Variants in OPCML observed in about 807,000 individuals in gnomAD.
The protein encoded by OPCML is opioid binding protein/cell adhesion molecule like, also known as opioid-binding protein/cell adhesion molecule.
In OPCML, 13 loss-of-function variants were observed where a neutral mutation model predicts 37.8. The ratio of observed to expected loss-of-function variants is 0.34; its 90% CI spans 0.22 to 0.55. OPCML has a LOEUF of 0.55. Among genes scored for constraint, OPCML ranks in the 20% least tolerant of loss-of-function variants. OPCML has a pLI of 0.91. For missense variants in OPCML, 341 were observed against 435.6 expected, an observed-to-expected ratio of 0.78 and a Z score of 1.93; for synonymous variants, 176 against 168.8, an observed-to-expected ratio of 1.04 and a Z score of -0.33.
intron 1 of OPCML, among the ~76,000 whole-genome samples, chr11:133,238,772 A>T (rs1940618482): frequency 6.6e-6 from 1 of 152,218 alleles, no homozygotes; most frequent in African/African-American, 2.4e-5. Context: ...TTCGGGGAAA[A>T]AAACGACAGT....
Position 133,382,333 on chromosome 11 carries a change from AAG to A in OPCML, c.61+149929_61+149930del, listed in dbSNP as rs1438749270. On this transcript the variant is annotated intron_variant, in intron 1 of 7. Transcript: ENST00000524381. Reference sequence around the variant, plus strand: ...TGGCAGGAGGGGTGGGGAATTCTGAAAGAGACTGGAGGCATGTATCCATGCAG... The same window carrying A: ...TGGCAGGAGGGGTGGGGAATTCTGAAAGACTGGAGGCATGTATCCATGCAG... 2.6e-5 allele frequency among the ~76,000 whole-genome samples: 4 copies of A among 152,298 alleles called. No homozygotes were observed. The East Asian group carries it at 7.8e-4, about 30-fold the overall frequency.
At chr11:132,622,856 C>G (rs1158681520) in intron 3 of OPCML, among the ~76,000 whole-genome samples, 1 of 152,092 alleles carries the variant, frequency 6.6e-6, no homozygotes, top group African/African-American at 2.4e-5. Flanking sequence ...ATGCAGTGGA[C>G]AGGAAAAGAA....
intron 1 of OPCML, among the ~76,000 whole-genome samples, chr11:132,968,477 T>C (rs1236491497): frequency 1.3e-5 from 2 of 152,116 alleles, no homozygotes; most frequent in Non-Finnish European, 2.9e-5. Flanking sequence ...CAGCTTCAAA[T>C]CTTTTTTTTG....
Position 133,119,615 on chromosome 11 carries a change from A to G in OPCML, c.62-176605T>C, listed in dbSNP as rs528389088. 9.2e-5 allele frequency among the ~76,000 whole-genome samples: 14 copies of G among 152,322 alleles called. No homozygotes were observed. In the East Asian group the frequency reaches 2.7e-3, roughly 29 times the overall value. ...ATTCACCTGACATAGTGCAAACAGC[A>G]TAGGGCATATCAACAAGGTATAAAC... On this transcript the variant is annotated intron_variant, in intron 1 of 7. Transcript: ENST00000524381.
At position 133,080,474 on chromosome 11, in the gene OPCML, G is replaced by GTT. The variant is rs34982227; in HGVS notation, c.62-137466_62-137465dup. On this transcript the variant is annotated intron_variant, in intron 1 of 7. Transcript: ENST00000524381. ...AACATTCCCACTTTGGTAATCAAAT[G>GTT]TTTTTTTTTTTTTTTTTTTTCCTAA... is the stretch of plus-strand genomic sequence containing the variant. Among the ~76,000 whole-genome samples, 578 of 129,258 alleles carry GTT rather than the reference G, an allele frequency of 4.5e-3. 5 individuals carry two copies. Among genetic ancestry groups the GTT allele is most frequent in the African/African-American group, 0.014 (490 of 35,024 alleles). 84.8% of individuals were successfully genotyped at this position (129,258 alleles called of 152,430 possible). A position where few individuals can be genotyped will look rare whatever the true frequency, so the allele number is the denominator to read the frequency against.
At chr11:132,910,517 C>CCGCA (rs1440800080) in intron 2 of OPCML, among the ~76,000 whole-genome samples, 1 of 152,226 alleles carries the variant, frequency 6.6e-6, no homozygotes, top group East Asian at 1.9e-4. Flanking sequence ...CAACCCTGAA[C>CCGCA]CGCATCCCAG....
intron 4 of OPCML, among the ~76,000 whole-genome samples, chr11:132,465,876 T>G (rs2096118071): frequency 6.6e-6 from 1 of 152,212 alleles, no homozygotes; most frequent in South Asian, 2.1e-4. Context: ...AAAACCAAGT[T>G]CTTTATTTTG....
intron 1 of OPCML, chr11:133,422,263 G>C: frequency 1.0e-6 from 1 of 984,788 alleles, no homozygotes; most frequent in Non-Finnish European, 1.2e-6. Flanking sequence ...TTTGACAAGT[G>C]TGTCGTGGGA....
intron 1 of OPCML, among the ~76,000 whole-genome samples, chr11:132,988,981 ATAACG>A (rs1316087659): frequency 6.6e-6 from 1 of 152,234 alleles, no homozygotes; most frequent in Non-Finnish European, 1.5e-5. Context: ...AAAGACTACA[ATAACG>A]TTGCATTTTA....
intron 1 of OPCML, among the ~76,000 whole-genome samples, chr11:133,390,418 G>C (rs527400865): frequency 6.6e-6 from 1 of 152,078 alleles, no homozygotes; most frequent in Non-Finnish European, 1.5e-5. Flanking sequence ...AGCCGAGATC[G>C]CGCCACTGCA....
At chr11:133,244,787 C>T (rs1940861730) in intron 1 of OPCML, among the ~76,000 whole-genome samples, 1 of 152,176 alleles carries the variant, frequency 6.6e-6, no homozygotes, top group African/African-American at 2.4e-5. Context: ...CTGAGGCCTC[C>T]CCAGCCATGC....
At chr11:132,649,500 G>A (rs894900046) in intron 3 of OPCML, among the ~76,000 whole-genome samples, 10 of 152,142 alleles carry the variant, frequency 6.6e-5, no homozygotes, top group African/African-American at 2.4e-4. Flanking sequence ...AGCGCAGGGG[G>A]CGGGGCAGGT....
chr11:132,545,141 G>A (rs111485354), intron 3 of OPCML, among the ~76,000 whole-genome samples: 1 of 152,052 alleles, frequency 6.6e-6, no homozygotes, highest in South Asian at 2.1e-4. Context: ...AATTTCACAG[G>A]AGCCAAATAC....
intron 2 of OPCML, among the ~76,000 whole-genome samples, chr11:132,802,728 C>T (rs1208081989): frequency 3.9e-5 from 6 of 152,034 alleles, no homozygotes; most frequent in Admixed American, 1.3e-4. Context: ...CAGAAAAGTG[C>T]GTGAAGTCAA....
At chr11:132,789,401 G>A (rs1048102324) in intron 2 of OPCML, among the ~76,000 whole-genome samples, 1 of 152,196 alleles carries the variant, frequency 6.6e-6, no homozygotes, top group Non-Finnish European at 1.5e-5. Flanking sequence ...ATATTGGGAA[G>A]TCAGAAGATA....
intron 1 of OPCML, among the ~76,000 whole-genome samples, chr11:133,395,593 T>A (rs2136823035): frequency 6.6e-6 from 1 of 152,316 alleles, no homozygotes; most frequent in African/African-American, 2.4e-5. Flanking sequence ...GTTTCACTCT[T>A]CTGCATATGG....
At chr11:133,527,520 A>T (rs1230708375) in intron 1 of OPCML, among the ~76,000 whole-genome samples, 1 of 152,224 alleles carries the variant, frequency 6.6e-6, no homozygotes, top group African/African-American at 2.4e-5. Flanking sequence ...TGACAAAGAC[A>T]TACATATATG....
chr11:133,492,508 AG>A (rs1389080968), intron 1 of OPCML, among the ~76,000 whole-genome samples: 2 of 152,244 alleles, frequency 1.3e-5, no homozygotes, highest in East Asian at 3.9e-4. Context: ...AAGGCTGCTC[AG>A]AAGTTGCTGG....
rs115673137 is a variant in OPCML at position 132,434,933 on chromosome 11, C to T, written c.916+1153G>A. Among the ~76,000 whole-genome samples the T allele has an allele frequency of 7.7e-3, 1,174 of 152,190 alleles. 12 individuals are homozygous for T. Among genetic ancestry groups the T allele is most frequent in the African/African-American group, 0.026 (1,100 of 41,522 alleles). On this transcript the variant is annotated intron_variant, in intron 7 of 7. Coordinates refer to ENST00000524381, the MANE Select transcript of OPCML (RefSeq NM_001012393.5). ...AGGTTCTTGTTTTGGGGGCAAAAAC[C>T]CCTTCCCCTGAAACACATAAAGCTA...
Sources: allele counts gnomAD v4.1 joint callset (sites outside exome capture counted in the v4.1 genomes callset), GRCh38; gene constraint gnomAD v4.1.1; transcripts MANE v1.5; gene names NCBI Gene and HGNC (gene_info 2026-07-23, HGNC 2026-07-21).